The following RDM1 variants were observed in gnomAD, a reference collection of about 807,000 sequenced individuals.
RDM1 encodes the protein RAD52 motif-containing protein 1.
In RDM1, 28 loss-of-function variants were observed where a neutral mutation model predicts 27.7. That is an observed-to-expected ratio of 1.01 (90% CI 0.75 to 1.39). The LOEUF (loss-of-function observed/expected upper bound fraction) is 1.39. Among genes scored for constraint, RDM1 ranks in the 40% most tolerant of loss-of-function variants. The probability of loss-of-function intolerance (pLI) is 0.00; values close to 1 mark genes in which losing one functional copy is unlikely to be tolerated. For missense variants in RDM1, 277 were observed against 337.3 expected (o/e 0.82, Z 1.40); for synonymous variants, 124 against 127.5 (o/e 0.97, Z 0.19).
At chr17:35,924,555 C>G (rs1051911555) in intron 4 of RDM1, 49 bp downstream of exon 4, 5 of 1,541,322 alleles carry the variant, frequency 3.2e-6, no homozygotes, top group Non-Finnish European at 4.4e-6. Context: ...AAAGAAAGAT[C>G]CTTTCCACTC....
chr17:35,918,366 C>A lies in RDM1; in HGVS notation c.831G>T (p.Glu277Asp). ...YLSDFSLEEEEFRLPELD is the reference protein window; with the variant it reads ...YLSDFSLEEEDFRLPELD ...GCTAGTCAAGTTCTGGCAGCCTGAA[C>A]TCTTCCTCCTCCAAGCTGAAATCCG... Residue 277 changes from glutamate to aspartate, a missense_variant, in exon 7 of 7, where the codon GAG becomes GAT. Physicochemically the swap from Glu to Asp is conservative, Grantham distance 45 (BLOSUM62 2). Transcript: ENST00000620284. 6.2e-7 allele frequency: 1 copy of A among 1,613,972 alleles called. No homozygotes were observed. The highest frequency in any genetic ancestry group is 1.1e-5 in the South Asian group (1 of 91,066).
At chr17:35,926,702 C>T (rs572679984) in intron 2 of RDM1, among the ~76,000 whole-genome samples, 3 of 152,112 alleles carry the variant, frequency 2.0e-5, no homozygotes, top group East Asian at 3.9e-4. Flanking sequence ...TGCGCCTGGC[C>T]GTAAAGTTAA....
chr17:35,927,173 G>C (rs1376294364), intron 2 of RDM1, among the ~76,000 whole-genome samples: 2 of 151,518 alleles, frequency 1.3e-5, no homozygotes, highest in Non-Finnish European at 2.9e-5. Context: ...GGGCACGGTG[G>C]CTCACACCTG....
chr17:35,920,783 A>G (rs563855929), intron 5 of RDM1, among the ~76,000 whole-genome samples: 2 of 152,304 alleles, frequency 1.3e-5, no homozygotes, highest in African/African-American at 4.8e-5. Context: ...CATATGTATG[A>G]AATATCAACC....
intron 1 of RDM1, 80 bp downstream of exon 1, chr17:35,930,552 T>C: frequency 7.4e-7 from 1 of 1,348,108 alleles, no homozygotes. Flanking sequence ...CAGGTGAGGG[T>C]CTGAGGCAGG....
chr17:35,930,467 A>C (rs1368786766), intron 1 of RDM1, 165 bp downstream of exon 1: 2 of 882,020 alleles, frequency 2.3e-6, no homozygotes, highest in South Asian at 1.8e-5. Flanking sequence ...CCGGGACTCT[A>C]AAAATCTGTT....
rs756328978 is a variant in RDM1 at position 35,930,764 on chromosome 17, C to G, written c.-37G>C. Reference sequence around the variant, plus strand: ...CGCACCTGCGCGGCTAACCCTCGCCCCAGCATTGCGCCTGCGCAAGGCACG... The same window carrying G: ...CGCACCTGCGCGGCTAACCCTCGCCGCAGCATTGCGCCTGCGCAAGGCACG... On this transcript the variant is annotated 5_prime_UTR_variant, in exon 1 of 7. Transcript: ENST00000620284. The G allele has an allele frequency of 1.9e-6, 3 of 1,594,334 alleles. No individual in the cohort carries two copies. The highest frequency in any genetic ancestry group is 3.5e-5 in the Admixed American group (2 of 57,958).
At chr17:35,925,423 C>T (rs982531659) in intron 3 of RDM1, 92 bp downstream of exon 3, 1 of 1,420,726 alleles carries the variant, frequency 7.0e-7, no homozygotes, top group Admixed American at 1.9e-5. Flanking sequence ...ACATCTCCTC[C>T]CTACAATCCA....
chr17:35,926,460 G>A (rs2089152451), intron 2 of RDM1, among the ~76,000 whole-genome samples: 1 of 151,884 alleles, frequency 6.6e-6, no homozygotes, highest in South Asian at 2.1e-4. Flanking sequence ...CTGGAGTGCA[G>A]TGGCGCGATC....
rs201176535 is a variant in RDM1, at chr17:35,920,167, G to A, written c.753+20C>T. On this transcript the variant is annotated intron_variant, in intron 6 of 6. Transcript: ENST00000620284. ...TGGTTACACTGGCTATGTTACCCCT[G>A]AGTTTTTATCTTCACATACTTGAAT... 5,184 of 1,283,276 alleles carry A rather than the reference G, an allele frequency of 4.0e-3. 70 individuals carry two copies. Among genetic ancestry groups the A allele is most frequent in the South Asian group, 0.031 (2,448 of 78,498 alleles). The allele number at this position is 1,283,276 out of a possible 1,614,324, so 79.5% of individuals were successfully genotyped here.
chr17:35,929,933 G>T, intron 2 of RDM1, 143 bp downstream of exon 2: 1 of 815,294 alleles, frequency 1.2e-6, no homozygotes, highest in Non-Finnish European at 2.0e-6. Flanking sequence ...GTTTCTTCAT[G>T]TAAAAAACCC....
At chr17:35,922,296 A>G (rs2088970830) in intron 5 of RDM1, 1 of 421,916 alleles carries the variant, frequency 2.4e-6, no homozygotes, top group African/African-American at 2.1e-5. Context: ...ACTATTCTGT[A>G]TGATAGGTAA....
At chr17:35,920,617 G>T (rs2088908647) in intron 5 of RDM1, among the ~76,000 whole-genome samples, 2 of 151,836 alleles carry the variant, frequency 1.3e-5, no homozygotes, top group Admixed American at 1.3e-4. Context: ...ACACCACTGT[G>T]CCTGCCTAAT....
intron 1 of RDM1, 37 bp from the exon 2 acceptor site, chr17:35,930,292 C>T (rs775396568): frequency 6.2e-6 from 10 of 1,613,644 alleles, no homozygotes; most frequent in Non-Finnish European, 2.5e-6. Flanking sequence ...TGAAATCTCA[C>T]GCCCAGAAAA....
chr17:35,923,990 G>C (rs2089044559), intron 4 of RDM1, among the ~76,000 whole-genome samples: 1 of 152,060 alleles, frequency 6.6e-6, no homozygotes, highest in South Asian at 2.1e-4. Context: ...GAGGCAAGAG[G>C]ATCACTTGAG....
intron 5 of RDM1, among the ~76,000 whole-genome samples, chr17:35,921,851 G>A (rs1251473188): frequency 6.6e-6 from 1 of 151,666 alleles, no homozygotes; most frequent in East Asian, 1.9e-4. Context: ...TGAAGAGACT[G>A]CAGCTTAGAG....
At position 35,922,478 on chromosome 17, in the gene RDM1, T is replaced by C. The variant is rs971076331; in HGVS notation, c.667+99A>G. 1.2e-5 allele frequency: 17 copies of C among 1,464,158 alleles called. No homozygotes were observed. In the African/African-American group the frequency reaches 2.3e-4, roughly 20 times the overall value. 90.7% of individuals were successfully genotyped at this position (1,464,158 alleles called of 1,614,324 possible). ...TAGCAAATGAAAGCATACTATAGAG[T>C]GCTTTAGATATCAATATTTTTATTC... On this transcript the variant is annotated intron_variant, in intron 5 of 6. Coordinates refer to ENST00000620284, the MANE Select transcript of RDM1 (RefSeq NM_145654.4).
At chr17:35,930,370 C>A in intron 1 of RDM1, 115 bp from the exon 2 acceptor site, 1 of 1,357,004 alleles carries the variant, frequency 7.4e-7, no homozygotes, top group East Asian at 2.4e-5. Flanking sequence ...AAACACTTCC[C>A]ACTTAATCAA....
chr17:35,930,761 G>C lies in RDM1; in HGVS notation c.-34C>G, dbSNP rs767520360. The C allele has an allele frequency of 2.5e-6, 4 of 1,597,334 alleles. No individual in the cohort carries two copies. The East Asian group carries it at 6.7e-5, about 27-fold the overall frequency. On this transcript the variant is annotated 5_prime_UTR_variant, in exon 1 of 7. Coordinates refer to ENST00000620284, the MANE Select transcript of RDM1 (RefSeq NM_145654.4). ...CACCGCACCTGCGCGGCTAACCCTC[G>C]CCCCAGCATTGCGCCTGCGCAAGGC...
Sources: allele counts gnomAD v4.1 joint callset (sites outside exome capture counted in the v4.1 genomes callset), GRCh38; gene constraint gnomAD v4.1.1; transcripts MANE v1.5; gene names NCBI Gene and HGNC (gene_info 2026-07-23, HGNC 2026-07-21).